Variants in DRC3 observed in about 807,000 individuals in gnomAD.
The protein encoded by DRC3 is dynein regulatory complex subunit 3.
Under a neutral mutation model 57.6 loss-of-function variants are expected in DRC3, and 45 were observed. The ratio of observed to expected loss-of-function variants is 0.78; its 90% CI spans 0.62 to 1.00. The LOEUF is 1.00. Ranked by LOEUF, DRC3 falls within the 50% of genes least tolerant of loss-of-function variation. DRC3 has a pLI of 0.00. For missense variants in DRC3, 655 were observed against 675.2 expected, an observed-to-expected ratio of 0.97 and a Z score of 0.33; for synonymous variants, 257 against 272.3, an observed-to-expected ratio of 0.94 and a Z score of 0.55.
At position 17,987,958 on chromosome 17, in the gene DRC3, A is replaced by G; in HGVS notation, c.304A>G (p.Ile102Val). 6.2e-7 allele frequency: 1 copy of G among 1,613,982 alleles called. No individual in the cohort carries two copies. Among genetic ancestry groups the G allele is most frequent in the South Asian group, 1.1e-5 (1 of 91,082 alleles). Residue 102 changes from isoleucine (I) to valine (V), a missense_variant, in exon 5 of 14, where the codon ATC (isoleucine) becomes GTC (valine). Coordinates refer to ENST00000399187, the MANE Select transcript of DRC3 (RefSeq NM_031294.4). ...TCTGTCTTTCAACAACATTGAGACC[A>G]TCGAGGGGCTGGACACACTGGTGAA... is the stretch of plus-strand genomic sequence containing the variant. Reference protein sequence around the residue: ...LDLSFNNIETIEGLDTLVNLE... With the variant: ...LDLSFNNIETVEGLDTLVNLE...
chr17:17,983,198 T>TGGATG (rs1399397907), intron 3 of DRC3, among the ~76,000 whole-genome samples: 2 of 152,218 alleles, frequency 1.3e-5, no homozygotes, highest in African/African-American at 4.8e-5. Flanking sequence ...CGTTCTTGCA[T>TGGATG]GGATGACTTA....
At chr17:17,992,700 G>A in intron 5 of DRC3, 65 bp from the exon 6 acceptor site, 5 of 1,531,740 alleles carry the variant, frequency 3.3e-6, no homozygotes, top group Admixed American at 3.7e-5. Flanking sequence ...GAGGAGGGAG[G>A]TGCAGCTGTG....
chr17:17,978,973 G>T (rs1413378179), intron 3 of DRC3, among the ~76,000 whole-genome samples: 2 of 152,144 alleles, frequency 1.3e-5, no homozygotes, highest in Non-Finnish European at 2.9e-5. Context: ...AAATGAAGAA[G>T]GAAAATAATA....
At chr17:17,994,821 C>T (rs1164349509) in intron 7 of DRC3, among the ~76,000 whole-genome samples, 178 bp from the exon 8 acceptor site, 1 of 152,182 alleles carries the variant, frequency 6.6e-6, no homozygotes, top group Non-Finnish European at 1.5e-5. Context: ...TGCAACCAGA[C>T]TGAGAAATGT....
intron 2 of DRC3, among the ~76,000 whole-genome samples, chr17:17,976,781 A>T (rs2042406856): frequency 6.6e-6 from 1 of 152,200 alleles, no homozygotes; most frequent in Non-Finnish European, 1.5e-5. Flanking sequence ...GGACCTAGGG[A>T]CATTAGGGAC....
chr17:17,988,178 G>T, intron 5 of DRC3, 80 bp downstream of exon 5: 1 of 1,422,038 alleles, frequency 7.0e-7, no homozygotes, highest in South Asian at 1.3e-5. Context: ...TCTGTGGCTA[G>T]GGGAAGTACA....
intron 2 of DRC3, among the ~76,000 whole-genome samples, chr17:17,974,481 C>T (rs945262725): frequency 1.3e-5 from 2 of 152,228 alleles, no homozygotes; most frequent in Non-Finnish European, 2.9e-5. Context: ...AAGCGATTCT[C>T]CTGCCTCAGC....
chr17:18,007,010 ACTCGGGGCTG>A lies in DRC3; in HGVS notation c.1203-12_1203-3del. 6.2e-7 allele frequency: 1 copy of A among 1,611,622 alleles called. No individual in the cohort carries two copies. Among genetic ancestry groups the A allele is most frequent in the Non-Finnish European group, 8.5e-7 (1 of 1,178,710 alleles). ...CCTGCTCCTCCCGGGCCTTTGCTTA[ACTCGGGGCTG>A]CACGATGGCTCAGTGCCGGGACCTG... On this transcript the variant is annotated splice_region_variant and splice_polypyrimidine_tract_variant and intron_variant, in intron 11 of 13. Transcript: ENST00000399187.
At chr17:17,986,440 G>A (rs1337474454) in intron 4 of DRC3, among the ~76,000 whole-genome samples, 1 of 150,856 alleles carries the variant, frequency 6.6e-6, no homozygotes, top group African/African-American at 2.4e-5. Flanking sequence ...ATATTAAGAT[G>A]TGGTTAAACT....
chr17:18,015,755 C>T (rs1390046960), intron 12 of DRC3: 2 of 292,954 alleles, frequency 6.8e-6, no homozygotes, highest in Non-Finnish European at 1.3e-5. Flanking sequence ...GAACAGATGT[C>T]CTGGGTGAGG....
At chr17:18,000,453 G>C (rs2043681139) in intron 9 of DRC3, among the ~76,000 whole-genome samples, 1 of 152,124 alleles carries the variant, frequency 6.6e-6, no homozygotes, top group Admixed American at 6.6e-5. Flanking sequence ...AAATGAAAAA[G>C]TAGCTTCTTT....
At chr17:17,998,182 G>T (rs563337468) in intron 9 of DRC3, among the ~76,000 whole-genome samples, 9 of 152,278 alleles carry the variant, frequency 5.9e-5, no homozygotes, top group African/African-American at 2.2e-4. Flanking sequence ...AGCCTTGGGG[G>T]TGCCCTAGGG....
intron 2 of DRC3, among the ~76,000 whole-genome samples, chr17:17,975,046 T>C (rs1000708723): frequency 3.3e-5 from 5 of 152,150 alleles, no homozygotes; most frequent in African/African-American, 7.2e-5. Flanking sequence ...GCTTAACAAA[T>C]AGCATATGTA....
At chr17:18,007,280 C>A in intron 12 of DRC3, 133 bp downstream of exon 12, 2 of 1,105,782 alleles carry the variant, frequency 1.8e-6, no homozygotes, top group Non-Finnish European at 2.7e-6. Context: ...GGCACACTAA[C>A]CTGCTTTACA....
At chr17:17,991,220 T>C (rs2043209930) in intron 5 of DRC3, among the ~76,000 whole-genome samples, 1 of 151,668 alleles carries the variant, frequency 6.6e-6, no homozygotes, top group South Asian at 2.1e-4. Context: ...CAGAAAAGCA[T>C]GCTAGATTTT....
chr17:18,002,765 C>T (rs923627303), intron 9 of DRC3, among the ~76,000 whole-genome samples: 3 of 152,096 alleles, frequency 2.0e-5, no homozygotes, highest in South Asian at 2.1e-4. Context: ...ACTGAGTCAG[C>T]GAATGAAAGT....
chr17:18,007,402 GT>G, intron 12 of DRC3: 1 of 1,551,516 alleles, frequency 6.4e-7, no homozygotes, highest in African/African-American at 1.4e-5. Flanking sequence ...CAACAGGGTC[GT>G]TTCCAAAAGT....
At chr17:18,009,755 CA>C (rs1480049427) in intron 12 of DRC3, among the ~76,000 whole-genome samples, 2 of 152,226 alleles carry the variant, frequency 1.3e-5, no homozygotes, top group African/African-American at 4.8e-5. Flanking sequence ...ACCTAATTAT[CA>C]AGGAGCATAT....
chr17:18,003,506 A>G (rs1268612524), intron 9 of DRC3, among the ~76,000 whole-genome samples: 1 of 147,976 alleles, frequency 6.8e-6, no homozygotes, highest in African/African-American at 2.5e-5. Flanking sequence ...AAAAAAAAAA[A>G]AAAAAAAAAA....
Sources: gnomAD v4.1 joint callset for allele counts (sites outside exome capture counted in the v4.1 genomes callset) on GRCh38, gnomAD v4.1.1 for gene constraint, MANE v1.5 for transcripts, NCBI Gene and HGNC (gene_info 2026-07-23, HGNC 2026-07-21) for gene names.